The following AKNAD1 variants were observed in gnomAD, a reference collection of about 807,000 sequenced individuals.
AKNAD1 encodes AKNA domain containing 1.
In AKNAD1, 67 loss-of-function variants were observed where a neutral mutation model predicts 90.8. The ratio of observed to expected loss-of-function variants is 0.74; its 90% confidence interval spans 0.61 to 0.90. The LOEUF (loss-of-function observed/expected upper bound fraction) is 0.90, where lower values mean the gene tolerates loss of function less well. Ranked by LOEUF, AKNAD1 falls within the 40% of genes least tolerant of loss-of-function variation. The probability of loss-of-function intolerance (pLI) is 0.00; values close to 1 mark genes in which losing one functional copy is unlikely to be tolerated. For missense variants in AKNAD1, 957 were observed against 975.4 expected (o/e 0.98, Z 0.25); for synonymous variants, 327 against 341.4 (o/e 0.96, Z 0.46).
intron 15 of AKNAD1, chr1:108,816,786 G>C: frequency 2.4e-6 from 1 of 412,878 alleles, no homozygotes. Flanking sequence ...TTCAACCCCC[G>C]GCCAGGGAAA....
At chr1:108,817,584 C>T (rs1663658276) in intron 14 of AKNAD1, 1 of 135,108 alleles carries the variant, frequency 7.4e-6, no homozygotes, top group Non-Finnish European at 1.5e-5. Flanking sequence ...TCGCTGCAAG[C>T]TCCGCCTCCC....
At chr1:108,843,346 G>A (rs1664608765) in intron 5 of AKNAD1, 79 bp from the exon 6 acceptor site, 4 of 1,544,646 alleles carry the variant, frequency 2.6e-6, no homozygotes, top group East Asian at 2.3e-5. Flanking sequence ...CAAAGCAGGT[G>A]TACCCTACAG....
At chr1:108,818,396 G>A (rs537246333) in intron 14 of AKNAD1, among the ~76,000 whole-genome samples, 4 of 152,182 alleles carry the variant, frequency 2.6e-5, no homozygotes, top group South Asian at 4.1e-4. Context: ...TCCAGCATCC[G>A]GGGCCCCTAA....
intron 7 of AKNAD1, chr1:108,836,664 T>C (rs1309434929): frequency 1.3e-5 from 2 of 152,254 alleles, no homozygotes; most frequent in Non-Finnish European, 2.9e-5. Context: ...GACAAAATCC[T>C]CATTCAAGTT....
In AKNAD1 at chr1:108,852,140, T is replaced by C; in HGVS notation, c.525A>G (p.Lys175=). Residue 175 remains lysine, a synonymous_variant, in exon 2 of 16, where the codon AAA becomes AAG. Coordinates refer to ENST00000370001, the MANE Select transcript of AKNAD1 (RefSeq NM_152763.5). ...GCTTATTGCTGTTTTCACCATCCCT[T>C]TTCGGGTTGAGTTGGTCAGTGAGTT... is the stretch of plus-strand genomic sequence containing the variant. ...TPELTDQLNP[K]RDGENSNKPG... 1 of 1,614,156 alleles carries C rather than the reference T, an allele frequency of 6.2e-7. No homozygotes were observed.
chr1:108,854,871 C>T (rs74113517), intron 1 of AKNAD1, among the ~76,000 whole-genome samples: 1 of 152,016 alleles, frequency 6.6e-6, no homozygotes, highest in South Asian at 2.1e-4. Flanking sequence ...TGTCATCTGG[C>T]AAGTTATTTA....
chr1:108,826,833 G>A (rs976818048), intron 11 of AKNAD1, among the ~76,000 whole-genome samples: 13 of 146,934 alleles, frequency 8.8e-5, no homozygotes, highest in Non-Finnish European at 1.6e-4. Context: ...TCAACCTCCC[G>A]GACTCAAGCA....
At position 108,852,159 on chromosome 1, in the gene AKNAD1, G is replaced by A. The variant is rs1177309563; in HGVS notation, c.506C>T (p.Thr169Ile). Reference sequence around the variant, plus strand: ...ATCCCTTTTCGGGTTGAGTTGGTCAGTGAGTTCTGGGGTTTGTTCTTTTGG... The same window carrying A: ...ATCCCTTTTCGGGTTGAGTTGGTCAATGAGTTCTGGGGTTTGTTCTTTTGG... Reference protein sequence around the residue: ...SWPKEQTPELTDQLNPKRDGE... With the variant: ...SWPKEQTPELIDQLNPKRDGE... The change falls in exon 2 of 16, where the codon ACT (threonine) becomes ATT (isoleucine). Residue 169 changes from threonine (T) to isoleucine (I), a missense_variant. Coordinates refer to ENST00000370001, the MANE Select transcript of AKNAD1 (RefSeq NM_152763.5). 4 of 1,613,980 alleles carry A rather than the reference G, an allele frequency of 2.5e-6. No individual in the cohort carries two copies. Among genetic ancestry groups the A allele is most frequent in the Admixed American group, 1.7e-5 (1 of 59,990 alleles).
At position 108,816,290 on chromosome 1, in the gene AKNAD1, C is replaced by T; in HGVS notation, c.2392G>A (p.Ala798Thr). Residue 798 changes from alanine to threonine, a missense_variant, in exon 16 of 16, where the codon GCT becomes ACT. Physicochemically the swap from Ala to Thr is moderately conservative, Grantham distance 58 (BLOSUM62 0). Transcript: ENST00000370001. ...GCTGTCCTTAGGGCATGATCCAAAG[C>T]CGAGTTTAAAATCTACAGAGGAAAA... The part of the protein sequence containing the change: ...EEIKSEILNS[A>T]LDHALRTATI... 1 of 1,610,858 alleles carries T rather than the reference C, an allele frequency of 6.2e-7. No homozygotes were observed. The highest frequency in any genetic ancestry group is 8.5e-7 in the Non-Finnish European group (1 of 1,178,986).
At chr1:108,816,631 G>A (rs1570785564) in intron 15 of AKNAD1, among the ~76,000 whole-genome samples, 1 of 152,156 alleles carries the variant, frequency 6.6e-6, no homozygotes, top group East Asian at 1.9e-4. Context: ...GGGATTGGGG[G>A]GCCATAACCA....
At chr1:108,829,434 A>C (rs1263716422) in intron 10 of AKNAD1, among the ~76,000 whole-genome samples, 2 of 152,238 alleles carry the variant, frequency 1.3e-5, no homozygotes, top group African/African-American at 2.4e-5. Flanking sequence ...CATTATACTT[A>C]GTAAAACCTT....
chr1:108,848,687 T>C, intron 5 of AKNAD1, 65 bp downstream of exon 5: 1 of 1,392,056 alleles, frequency 7.2e-7, no homozygotes, highest in Non-Finnish European at 1.0e-6. Context: ...CACTATAAAG[T>C]TATTTATCTT....
In AKNAD1 at chr1:108,838,328, C is replaced by A. The variant is rs1046771448; in HGVS notation, c.1380-622G>T. ...TAACAACAAAAAGATAGCCCCCCCC[C>A]CAAAAAAAACCCTGTTTAATTAGAA... On this transcript the variant is annotated intron_variant, in intron 6 of 15. Coordinates refer to ENST00000370001, the MANE Select transcript of AKNAD1 (RefSeq NM_152763.5). Among the ~76,000 whole-genome samples, 914 of 145,230 alleles carry A rather than the reference C, an allele frequency of 6.3e-3. 6 individuals are homozygous for A. The highest frequency in any genetic ancestry group is 0.01 in the Non-Finnish European group (693 of 66,018).
intron 1 of AKNAD1, among the ~76,000 whole-genome samples, chr1:108,856,067 G>A (rs1665028962): frequency 6.6e-6 from 1 of 151,388 alleles, no homozygotes; most frequent in Non-Finnish European, 1.5e-5. Context: ...TATTCAGGAC[G>A]GTCTCGAACT....
chr1:108,817,283 G>A, intron 14 of AKNAD1, 106 bp from the exon 15 acceptor site: 1 of 1,441,670 alleles, frequency 6.9e-7, no homozygotes, highest in Middle Eastern at 2.4e-4. Flanking sequence ...GTTTGGGTGT[G>A]GGTGGATTCG....
At chr1:108,821,159 G>A (rs552204443) in intron 13 of AKNAD1, among the ~76,000 whole-genome samples, 1 of 151,914 alleles carries the variant, frequency 6.6e-6, no homozygotes, top group Non-Finnish European at 1.5e-5. Flanking sequence ...CAATTTTAAA[G>A]GGAGTTTTAG....
chr1:108,828,940 C>G (rs541702818), intron 10 of AKNAD1, among the ~76,000 whole-genome samples: 1 of 151,866 alleles, frequency 6.6e-6, no homozygotes, highest in African/African-American at 2.4e-5. Context: ...CACTTAAATC[C>G]AAAGTTTTGC....
Position 108,823,683 on chromosome 1 carries a change from C to A in AKNAD1, c.1942G>T (p.Asp648Tyr). 6.2e-7 allele frequency: 1 copy of A among 1,614,016 alleles called. No individual in the cohort carries two copies. The change falls in exon 12 of 16, where the codon GAT becomes TAT. Residue 648 changes from aspartate (D) to tyrosine (Y), a missense_variant. Physicochemically the swap from Asp to Tyr is radical, Grantham distance 160. Transcript: ENST00000370001. ...APHSDSTPNS[D>Y]TGHSFCSDSG... is the part of the protein sequence containing the mutation. ...TCAGAACAGAAGCTGTGTCCTGTAT[C>A]AGAATCTGAAAAAGCCCAAGTTGCA...
intron 1 of AKNAD1, among the ~76,000 whole-genome samples, chr1:108,854,591 C>T (rs1037855996): frequency 2.0e-5 from 3 of 152,146 alleles, no homozygotes; most frequent in Non-Finnish European, 4.4e-5. Flanking sequence ...TAGACACATG[C>T]CAATGTTAGA....
Sources: gnomAD v4.1 joint callset for allele counts (sites outside exome capture counted in the v4.1 genomes callset) on GRCh38, gnomAD v4.1.1 for gene constraint, MANE v1.5 for transcripts, NCBI Gene and HGNC (gene_info 2026-07-23, HGNC 2026-07-21) for gene names.